CD274: variants seen among roughly 807,000 people sequenced by gnomAD.
CD274 encodes CD274 molecule.
Under a neutral mutation model 30.1 loss-of-function variants are expected in CD274, and 8 were observed. The ratio of observed to expected loss-of-function variants is 0.27; its 90% CI spans 0.16 to 0.48. The LOEUF is 0.48. Ranked by LOEUF, CD274 falls within the 20% of genes least tolerant of loss-of-function variation. The pLI is 0.99. For synonymous variants in CD274, 152 were observed against 124.6 expected, an observed-to-expected ratio of 1.22 and a Z score of -1.46; for missense variants, 353 against 346.6, an observed-to-expected ratio of 1.02 and a Z score of -0.15.
In CD274 at chr9:5,467,973, A is replaced by G. The variant is rs900275355; in HGVS notation, c.*111A>G. 32 of 915,112 alleles carry G rather than the reference A, an allele frequency of 3.5e-5. No individual in the cohort carries two copies. The East Asian group carries it at 4.9e-4, about 14-fold the overall frequency. 56.7% of individuals were successfully genotyped at this position (915,112 alleles called of 1,614,324 possible). On this transcript the variant is annotated 3_prime_UTR_variant, in exon 7 of 7. Transcript: ENST00000381577. ...GGAATGGGCCCGTGGGATGCAGGCA[A>G]TGTGGGACTTAAAAGGCCCAAGCAC...
intron 1 of CD274, among the ~76,000 whole-genome samples, chr9:5,454,780 G>C (rs1333084158): frequency 6.6e-6 from 1 of 152,126 alleles, no homozygotes; most frequent in Non-Finnish European, 1.5e-5. Context: ...TAGTGGGTAA[G>C]AAAGCCTATT....
At chr9:5,456,638 G>A (rs1819308936) in intron 2 of CD274, among the ~76,000 whole-genome samples, 1 of 152,154 alleles carries the variant, frequency 6.6e-6, no homozygotes, top group Non-Finnish European at 1.5e-5. Flanking sequence ...CCATACCAAT[G>A]TACTTCTTGC....
Position 5,467,924 on chromosome 9 carries a change from C to A in CD274, c.*62C>A, listed in dbSNP as rs1217609539. 1.4e-6 allele frequency: 2 copies of A among 1,408,926 alleles called. No individual in the cohort carries two copies. The highest frequency in any genetic ancestry group is 1.4e-5 in the African/African-American group (1 of 70,858). The allele number at this position is 1,408,926 out of a possible 1,614,324, so 87.3% of individuals were successfully genotyped here. On this transcript the variant is annotated 3_prime_UTR_variant, in exon 7 of 7. Transcript: ENST00000381577. ...CTCAACCTGTGGTTTAGGGGTTCAT[C>A]GGGGCTGAGCGTGACAAGAGGAAGG...
chr9:5,465,454 A>AT, intron 4 of CD274, 45 bp from the exon 5 acceptor site: 6 of 1,182,466 alleles, frequency 5.1e-6, no homozygotes, highest in Non-Finnish European at 7.6e-6. Flanking sequence ...TCCCATCAAA[A>AT]TTTTATCTTT....
rs1170569160 is a variant in CD274 at position 5,469,632 on chromosome 9, A to C, written c.*1770A>C. 2 of 232,046 alleles carry C rather than the reference A, an allele frequency of 8.6e-6. No homozygotes were observed. Among genetic ancestry groups the C allele is most frequent in the Admixed American group, 1.1e-4 (2 of 17,738 alleles). 14.4% of individuals were successfully genotyped at this position (232,046 alleles called of 1,614,324 possible). A position where few individuals can be genotyped will look rare whatever the true frequency, so the allele number is the denominator to read the frequency against. Reference sequence around the variant, plus strand: ...AGGATCCATGCCTTCTTTGTTTCTAAGTTATCTTTCCCATAGCTTTTCATT... The same window carrying C: ...AGGATCCATGCCTTCTTTGTTTCTACGTTATCTTTCCCATAGCTTTTCATT... On this transcript the variant is annotated 3_prime_UTR_variant, in exon 7 of 7. Transcript: ENST00000381577.
rs1819562652 is a variant in CD274 at position 5,469,964 on chromosome 9, CTGCTAGCTACCCTG to C, written c.*2106_*2119del. The stretch of plus-strand genomic sequence containing the variant: ...TGGAAATTCCGGCAGTGTACCTTGA[CTGCTAGCTACCCTG>C]TGCCAGAAAAGCCTCATTCGTTGTG... On this transcript the variant is annotated 3_prime_UTR_variant, in exon 7 of 7. Transcript: ENST00000381577. 4.3e-6 allele frequency: 1 copy of C among 233,090 alleles called. No individual in the cohort carries two copies. Among genetic ancestry groups the C allele is most frequent in the African/African-American group, 2.2e-5 (1 of 45,338 alleles). 14.4% of individuals were successfully genotyped at this position (233,090 alleles called of 1,614,324 possible).
At chr9:5,450,718 GGAAC>G in intron 1 of CD274, 122 bp downstream of exon 1, 1 of 152,436 alleles carries the variant, frequency 6.6e-6, no homozygotes, top group East Asian at 1.9e-4. Context: ...GAAGGGAAAG[GGAAC>G]GCGATGGTCT....
intron 1 of CD274, among the ~76,000 whole-genome samples, chr9:5,455,290 C>G (rs1819280112): frequency 6.6e-6 from 1 of 152,160 alleles, no homozygotes; most frequent in South Asian, 2.1e-4. Context: ...TTCTTTCACT[C>G]TGACTTCCGT....
At chr9:5,467,616 G>C (rs1819518811) in intron 6 of CD274, among the ~76,000 whole-genome samples, 1 of 152,156 alleles carries the variant, frequency 6.6e-6, no homozygotes, top group Non-Finnish European at 1.5e-5. Flanking sequence ...AATGTTGTTT[G>C]GGTCATGCTG....
rs35406529 is a variant in CD274, at chr9:5,457,389, C to G, written c.363C>G (p.Ala121=). 6.2e-7 allele frequency: 1 copy of G among 1,613,152 alleles called. No individual in the cohort carries two copies. The highest frequency in any genetic ancestry group is 8.5e-7 in the Non-Finnish European group (1 of 1,179,290). The change falls in exon 3 of 7, where the codon GCC becomes GCG. Residue 121 remains alanine (A), a synonymous_variant. Transcript: ENST00000381577. The stretch of plus-strand genomic sequence containing the variant: ...GCTGCATGATCAGCTATGGTGGTGC[C>G]GACTACAAGCGAATTACTGTGAAAG... ...VYRCMISYGG[A]DYKRITVKVN... is the part of the protein sequence containing the mutation.
Position 5,457,216 on chromosome 9 carries a change from A to T in CD274, c.190A>T (p.Ile64Phe). The T allele has an allele frequency of 6.2e-7, 1 of 1,614,124 alleles. No homozygotes were observed. The highest frequency in any genetic ancestry group is 2.2e-5 in the East Asian group (1 of 44,886). The change falls in exon 3 of 7, where the codon ATT becomes TTT. Residue 64 changes from isoleucine to phenylalanine, a missense_variant. Ile to Phe is a conservative substitution (Grantham distance 21). Transcript: ENST00000381577. ...CTATTGGGAAATGGAGGATAAGAAC[A>T]TTATTCAATTTGTGCATGGAGAGGA... ...IVYWEMEDKNIIQFVHGEEDL... is the reference protein window; with the variant it reads ...IVYWEMEDKNFIQFVHGEEDL...
rs982648981 is a variant in CD274 at position 5,469,416 on chromosome 9, T to C, written c.*1554T>C. 2 of 232,174 alleles carry C rather than the reference T, an allele frequency of 8.6e-6. No homozygotes were observed. The highest frequency in any genetic ancestry group is 2.2e-5 in the African/African-American group (1 of 45,296). 14.4% of individuals were successfully genotyped at this position (232,174 alleles called of 1,614,324 possible). On this transcript the variant is annotated 3_prime_UTR_variant, in exon 7 of 7. Transcript: ENST00000381577. ...TTCAAGTTTCCTTTCCAGAAGCAAC[T>C]GCTACTGCCTTTCATTCATATGTTC...
At chr9:5,454,340 C>T (rs1204152591) in intron 1 of CD274, among the ~76,000 whole-genome samples, 2 of 152,076 alleles carry the variant, frequency 1.3e-5, no homozygotes, top group African/African-American at 4.8e-5. Context: ...ACCTGTTCTC[C>T]CTCTAATTTA....
Position 5,456,724 on chromosome 9 carries a change from C to T in CD274, c.53-355C>T, listed in dbSNP as rs543268450. ...TCTACCATTCCCTCTATGTAGGAAG[C>T]AAATAGGTGTCCTGTCAAAGGACAT... is the stretch of plus-strand genomic sequence containing the variant. On this transcript the variant is annotated intron_variant, in intron 2 of 6. Transcript: ENST00000381577. Among the ~76,000 whole-genome samples, 459 of 152,308 alleles carry T rather than the reference C, an allele frequency of 3.0e-3. 2 individuals carry two copies. Among genetic ancestry groups the T allele is most frequent in the African/African-American group, 0.011 (448 of 41,574 alleles).
At chr9:5,464,166 C>A (rs183646833) in intron 4 of CD274, among the ~76,000 whole-genome samples, 1 of 152,100 alleles carries the variant, frequency 6.6e-6, no homozygotes, top group Non-Finnish European at 1.5e-5. Context: ...TACTGGGGTA[C>A]GAGTCCTCAG....
intron 5 of CD274, 143 bp downstream of exon 5, chr9:5,465,749 G>C (rs1219283397): frequency 1.8e-6 from 1 of 568,222 alleles, no homozygotes; most frequent in East Asian, 2.9e-5. Context: ...TATTGAAGCT[G>C]AGTGGGATCA....
rs1376098380 is a variant in CD274 at position 5,468,911 on chromosome 9, T to G, written c.*1049T>G. 2 of 233,144 alleles carry G rather than the reference T, an allele frequency of 8.6e-6. No homozygotes were observed. Among genetic ancestry groups the G allele is most frequent in the Non-Finnish European group, 1.7e-5 (2 of 117,932 alleles). The allele number at this position is 233,144 out of a possible 1,614,324, so 14.4% of individuals were successfully genotyped here. ...GCAATATCAATCGCTGTGCCAGGCA[T>G]TGAATCTACAGATGTGAGCAAGACA... is the stretch of plus-strand genomic sequence containing the variant. On this transcript the variant is annotated 3_prime_UTR_variant, in exon 7 of 7. Transcript: ENST00000381577.
At chr9:5,465,397 T>C in intron 4 of CD274, 102 bp from the exon 5 acceptor site, 1 of 662,026 alleles carries the variant, frequency 1.5e-6, no homozygotes, top group South Asian at 1.8e-5. Context: ...AAGAAAATTA[T>C]CCTAAAGCTA....
chr9:5,465,410 C>T (rs1819479917), intron 4 of CD274, 89 bp from the exon 5 acceptor site: 1 of 732,650 alleles, frequency 1.4e-6, no homozygotes, highest in Admixed American at 2.3e-5. Context: ...TAAAGCTAAA[C>T]TAAACTTCAA....
Sources: gnomAD v4.1 joint callset for allele counts (sites outside exome capture counted in the v4.1 genomes callset) on GRCh38, gnomAD v4.1.1 for gene constraint, MANE v1.5 for transcripts, NCBI Gene and HGNC (gene_info 2026-07-23, HGNC 2026-07-21) for gene names.